LRRC4C: variants seen among roughly 807,000 people sequenced by gnomAD.
The protein encoded by LRRC4C is leucine rich repeat containing 4C, also known as leucine-rich repeat-containing protein 4C.
Under a neutral mutation model 33.6 loss-of-function variants are expected in LRRC4C, and 5 were observed. The ratio of observed to expected loss-of-function variants is 0.15; its 90% CI spans 0.08 to 0.31. LRRC4C has a LOEUF of 0.31. Among genes scored for constraint, LRRC4C ranks in the 10% least tolerant of loss-of-function variants. The pLI is 1.00. For synonymous variants in LRRC4C, 329 were observed against 302.0 expected, an observed-to-expected ratio of 1.09 and a Z score of -0.93; for missense variants, 560 against 796.7, an observed-to-expected ratio of 0.70 and a Z score of 3.58.
chr11:40,988,713 CTTTTTT>C, intron 1 of LRRC4C, among the ~76,000 whole-genome samples: 1 of 57,750 alleles, frequency 1.7e-5, no homozygotes. Flanking sequence ...CTTTTCTTTT[CTTTTTT>C]TTTTTTTTTT....
intron 1 of LRRC4C, among the ~76,000 whole-genome samples, chr11:41,082,577 T>C (rs1322847832): frequency 6.6e-6 from 1 of 152,158 alleles, no homozygotes; most frequent in Non-Finnish European, 1.5e-5. Flanking sequence ...AAAAAGAGGA[T>C]TATCACTTCT....
At chr11:41,032,849 TTTTG>T (rs1856807963) in intron 1 of LRRC4C, among the ~76,000 whole-genome samples, 1 of 152,240 alleles carries the variant, frequency 6.6e-6, no homozygotes, top group East Asian at 1.9e-4. Context: ...GATAATTTCA[TTTTG>T]TTGATCCAAG....
intron 3 of LRRC4C, among the ~76,000 whole-genome samples, chr11:40,477,000 TCTTTC>T (rs1953269800): frequency 6.6e-6 from 1 of 152,198 alleles, no homozygotes; most frequent in Non-Finnish European, 1.5e-5. Flanking sequence ...CTTTTTCATC[TCTTTC>T]CTTTTAAATT....
intron 1 of LRRC4C, among the ~76,000 whole-genome samples, chr11:41,196,439 T>G (rs969750238): frequency 2.2e-4 from 34 of 152,034 alleles, no homozygotes; most frequent in African/African-American, 8.2e-4. Context: ...ACTTACACAG[T>G]GATGATTTGC....
At chr11:40,702,603 T>C (rs954634226) in intron 2 of LRRC4C, among the ~76,000 whole-genome samples, 1 of 152,176 alleles carries the variant, frequency 6.6e-6, no homozygotes, top group Non-Finnish European at 1.5e-5. Flanking sequence ...CATGTTTCCC[T>C]GTCCTCATGA....
rs966487289 is a variant in LRRC4C, at chr11:40,320,234, G to A, written c.-269-513C>T. On this transcript the variant is annotated intron_variant, in intron 3 of 6. Coordinates refer to ENST00000528697, the MANE Select transcript of LRRC4C (RefSeq NM_001258419.2). ...AAAAAACTAGAAAATGGCCGGGCGC[G>A]GTGGCTCACGCCTGTAATCCCAGCA... 9.9e-5 allele frequency among the ~76,000 whole-genome samples: 15 copies of A among 152,204 alleles called. No homozygotes were observed. In the East Asian group the frequency reaches 1.2e-3, roughly 12 times the overall value.
At chr11:40,902,035 CA>C (rs1956231856) in intron 2 of LRRC4C, among the ~76,000 whole-genome samples, 1 of 136,706 alleles carries the variant, frequency 7.3e-6, no homozygotes, top group Non-Finnish European at 1.6e-5. Flanking sequence ...CACACACACA[CA>C]CACACACACA....
chr11:40,273,673 A>G (rs2136363968), intron 4 of LRRC4C, among the ~76,000 whole-genome samples: 1 of 152,262 alleles, frequency 6.6e-6, no homozygotes, highest in South Asian at 2.1e-4. Flanking sequence ...GAAGCCATAA[A>G]TCTTTACATA....
intron 3 of LRRC4C, among the ~76,000 whole-genome samples, chr11:40,354,895 C>A (rs549021810): frequency 6.6e-6 from 1 of 152,116 alleles, no homozygotes; most frequent in African/African-American, 2.4e-5. Flanking sequence ...CTCCTTTCTG[C>A]AAGCAGAAGG....
chr11:41,456,422 C>T (rs978614617), intron 1 of LRRC4C, among the ~76,000 whole-genome samples: 1 of 151,948 alleles, frequency 6.6e-6, no homozygotes, highest in Non-Finnish European at 1.5e-5. Flanking sequence ...CAGCTGTCAA[C>T]CCTGTTTGTT....
chr11:40,758,619 G>C lies in LRRC4C; in HGVS notation c.-406-110341C>G, dbSNP rs118069846. 3.1e-4 allele frequency among the ~76,000 whole-genome samples: 47 copies of C among 152,042 alleles called. 2 individuals carry two copies. The East Asian group carries it at 8.5e-3, about 28-fold the overall frequency. ...ATAGGATAGATCCCTGGAAGACCTT[G>C]GATGAAAAGTTTTATGGATCTCTAA... On this transcript the variant is annotated intron_variant, in intron 2 of 6. Transcript: ENST00000528697.
intron 1 of LRRC4C, among the ~76,000 whole-genome samples, chr11:41,348,544 C>T (rs1406562064): frequency 1.3e-5 from 2 of 151,412 alleles, no homozygotes; most frequent in Non-Finnish European, 2.9e-5. Flanking sequence ...TGCCCTCGGG[C>T]GTGAAGCCAA....
At chr11:41,404,445 T>C (rs1180272082) in intron 1 of LRRC4C, among the ~76,000 whole-genome samples, 1 of 151,538 alleles carries the variant, frequency 6.6e-6, no homozygotes, top group Non-Finnish European at 1.5e-5. Context: ...GGGATGTCTC[T>C]GATCTCCGAC....
chr11:41,218,941 G>A (rs962092963), intron 1 of LRRC4C, among the ~76,000 whole-genome samples: 2 of 151,288 alleles, frequency 1.3e-5, no homozygotes, highest in Admixed American at 6.6e-5. Context: ...CTAAATTTTT[G>A]TGTGTGTTTT....
At chr11:40,757,488 G>A (rs1409218617) in intron 2 of LRRC4C, among the ~76,000 whole-genome samples, 1 of 151,936 alleles carries the variant, frequency 6.6e-6, no homozygotes, top group Non-Finnish European at 1.5e-5. Flanking sequence ...CCAAGGAAAA[G>A]GAATTGTGCC....
At chr11:40,893,793 G>A (rs1236175178) in intron 2 of LRRC4C, among the ~76,000 whole-genome samples, 5 of 149,996 alleles carry the variant, frequency 3.3e-5, no homozygotes, top group Non-Finnish European at 7.4e-5. Context: ...AAGGATGGCC[G>A]AAAAATGTTT....
intron 3 of LRRC4C, among the ~76,000 whole-genome samples, chr11:40,578,334 A>G (rs1395370925): frequency 6.6e-6 from 1 of 151,646 alleles, no homozygotes; most frequent in Non-Finnish European, 1.5e-5. Context: ...AGAAAATGCA[A>G]CTAAGGAATA....
intron 1 of LRRC4C, among the ~76,000 whole-genome samples, chr11:41,344,515 C>T (rs930270416): frequency 5.9e-5 from 9 of 152,134 alleles, no homozygotes; most frequent in East Asian, 3.9e-4. Flanking sequence ...CCACCGCGCC[C>T]GGCCAAAGCC....
intron 2 of LRRC4C, among the ~76,000 whole-genome samples, chr11:40,711,762 G>A (rs1946477205): frequency 6.6e-6 from 1 of 151,464 alleles, no homozygotes; most frequent in Admixed American, 6.6e-5. Context: ...TAGTAACGGA[G>A]GATGTTCTCC....
Sources: gnomAD v4.1 joint callset for allele counts (sites outside exome capture counted in the v4.1 genomes callset) on GRCh38, gnomAD v4.1.1 for gene constraint, MANE v1.5 for transcripts, NCBI Gene and HGNC (gene_info 2026-07-23, HGNC 2026-07-21) for gene names.